Variants in MARCHF1 observed in about 807,000 individuals in gnomAD.
MARCHF1 encodes E3 ubiquitin-protein ligase MARCHF1.
In MARCHF1, 40 loss-of-function variants were observed where a neutral mutation model predicts 54.2. That is an observed-to-expected ratio of 0.74 (90% CI 0.57 to 0.96). The LOEUF (loss-of-function observed/expected upper bound fraction) is 0.96, where lower values mean the gene tolerates loss of function less well. Ranked by LOEUF, MARCHF1 falls within the 40% of genes least tolerant of loss-of-function variation. The pLI is 0.00. For missense variants in MARCHF1, 586 were observed against 656.5 expected (o/e 0.89, Z 1.17); for synonymous variants, 236 against 236.3 (o/e 1.00, Z 0.01).
At chr4:163,844,932 T>G (rs1749442971) in intron 4 of MARCHF1, among the ~76,000 whole-genome samples, 1 of 152,164 alleles carries the variant, frequency 6.6e-6, no homozygotes, top group Admixed American at 6.5e-5. Context: ...CATGTAACTG[T>G]CTATCAACTA....
At chr4:163,955,384 A>G (rs1395550143) in intron 3 of MARCHF1, among the ~76,000 whole-genome samples, 1 of 151,696 alleles carries the variant, frequency 6.6e-6, no homozygotes, top group Non-Finnish European at 1.5e-5. Flanking sequence ...AAAAAAAAAA[A>G]ACTTTAATGA....
intron 4 of MARCHF1, among the ~76,000 whole-genome samples, chr4:163,768,447 G>A (rs555429148): frequency 6.6e-6 from 1 of 152,248 alleles, no homozygotes; most frequent in African/African-American, 2.4e-5. Context: ...ATTTAAATTA[G>A]TTAGAAAGAC....
intron 5 of MARCHF1, among the ~76,000 whole-genome samples, chr4:163,692,880 A>T (rs1744508147): frequency 6.6e-6 from 1 of 151,514 alleles, no homozygotes. Flanking sequence ...TAATATCTTT[A>T]CTAGAGAAGA....
At chr4:163,961,327 A>C (rs528390516) in intron 3 of MARCHF1, among the ~76,000 whole-genome samples, 2 of 152,134 alleles carry the variant, frequency 1.3e-5, no homozygotes, top group South Asian at 4.1e-4. Context: ...TAATAGTCCT[A>C]GAGAAAATTA....
intron 5 of MARCHF1, among the ~76,000 whole-genome samples, chr4:163,667,855 G>C (rs1299292157): frequency 6.6e-6 from 1 of 152,032 alleles, no homozygotes; most frequent in African/African-American, 2.4e-5. Flanking sequence ...TTGAACTCCT[G>C]AGCTCAAGTG....
chr4:164,341,254 C>T (rs1236625862), intron 1 of MARCHF1, among the ~76,000 whole-genome samples: 1 of 147,948 alleles, frequency 6.8e-6, no homozygotes, highest in Non-Finnish European at 1.5e-5. Flanking sequence ...TATAACAAAC[C>T]ACCAGCTTAC....
intron 3 of MARCHF1, among the ~76,000 whole-genome samples, chr4:163,960,801 C>T (rs1244075046): frequency 1.4e-5 from 2 of 142,448 alleles, no homozygotes; most frequent in Non-Finnish European, 3.1e-5. Flanking sequence ...ACCCTTGAAA[C>T]TAAAATAAAA....
At chr4:163,586,003 T>G (rs1215997957) in intron 7 of MARCHF1, 74 bp from the exon 8 acceptor site, 2 of 1,334,464 alleles carry the variant, frequency 1.5e-6, no homozygotes, top group African/African-American at 1.5e-5. Flanking sequence ...CTGCCCTTGC[T>G]TATACTAGGG....
chr4:164,024,769 C>A (rs531032788), intron 2 of MARCHF1, among the ~76,000 whole-genome samples: 22 of 152,050 alleles, frequency 1.4e-4, no homozygotes, highest in Admixed American at 1.4e-3. Flanking sequence ...GGTCTAAACA[C>A]CCCATTTAAA....
intron 2 of MARCHF1, among the ~76,000 whole-genome samples, chr4:164,021,523 T>C (rs1429567180): frequency 6.6e-6 from 1 of 152,202 alleles, no homozygotes; most frequent in Non-Finnish European, 1.5e-5. Context: ...TAATTTTTCT[T>C]TTCTGAGCTT....
At chr4:164,015,555 A>T (rs182350282) in intron 2 of MARCHF1, among the ~76,000 whole-genome samples, 12 of 152,334 alleles carry the variant, frequency 7.9e-5, no homozygotes, top group African/African-American at 2.9e-4. Context: ...TAAACTTCCA[A>T]TCTAACAAGG....
At chr4:163,797,575 T>C (rs544849944) in intron 4 of MARCHF1, among the ~76,000 whole-genome samples, 2 of 152,142 alleles carry the variant, frequency 1.3e-5, no homozygotes, top group Non-Finnish European at 2.9e-5. Context: ...TTTTATCATT[T>C]ACATTAATTT....
At chr4:164,135,477 A>C (rs1756381077) in intron 1 of MARCHF1, 1 of 152,258 alleles carries the variant, frequency 6.6e-6, no homozygotes, top group Non-Finnish European at 1.5e-5. Context: ...AAGGGGAAGC[A>C]AACACATCCT....
chr4:164,015,927 C>T (rs1304752809), intron 2 of MARCHF1, among the ~76,000 whole-genome samples: 6 of 150,276 alleles, frequency 4.0e-5, no homozygotes, highest in Admixed American at 4.0e-4. Context: ...AAAAACAGAA[C>T]TACCATGTGA....
chr4:164,218,555 A>G (rs973106746), intron 1 of MARCHF1, among the ~76,000 whole-genome samples: 34 of 152,194 alleles, frequency 2.2e-4, no homozygotes, highest in African/African-American at 8.2e-4. Context: ...TTGTAGTGGC[A>G]TGGATGAAGC....
rs749482965 is a variant in MARCHF1, at chr4:164,189,986, C to A, written c.-322-78324G>T. On this transcript the variant is annotated intron_variant, in intron 1 of 9. Transcript: ENST00000514618. ...AGAATCACCTGACACCTGAAGAAAT[C>A]AAAAGGATGGTTAATGATGCTGAGA... The A allele has an allele frequency of 3.4e-6, 5 of 1,490,918 alleles. No individual in the cohort carries two copies. The African/African-American group carries it at 6.8e-5, about 20-fold the overall frequency. 92.4% of individuals were successfully genotyped at this position (1,490,918 alleles called of 1,614,324 possible). A position where few individuals can be genotyped will look rare whatever the true frequency, so the allele number is the denominator to read the frequency against.
At chr4:163,904,405 A>G (rs1046274623) in intron 3 of MARCHF1, among the ~76,000 whole-genome samples, 29 of 152,182 alleles carry the variant, frequency 1.9e-4, no homozygotes, top group African/African-American at 6.8e-4. Flanking sequence ...AAAGTTTAAT[A>G]TCCTTGGAAG....
intron 1 of MARCHF1, among the ~76,000 whole-genome samples, chr4:164,198,688 T>C (rs752664299): frequency 2.0e-5 from 3 of 152,222 alleles, no homozygotes; most frequent in Non-Finnish European, 4.4e-5. Flanking sequence ...GTCTGAGCCG[T>C]AATTCCACCA....
intron 1 of MARCHF1, among the ~76,000 whole-genome samples, chr4:164,225,826 A>G (rs371664895): frequency 3.3e-5 from 5 of 152,176 alleles, no homozygotes; most frequent in East Asian, 1.9e-4. Context: ...TTTACCAGGC[A>G]TAAGTACTCA....
Sources: allele counts gnomAD v4.1 joint callset (sites outside exome capture counted in the v4.1 genomes callset), GRCh38; gene constraint gnomAD v4.1.1; transcripts MANE v1.5; gene names NCBI Gene and HGNC (gene_info 2026-07-23, HGNC 2026-07-21).